The following CAPN12 variants were observed in gnomAD, a reference collection of about 807,000 sequenced individuals.
CAPN12 encodes the protein calpain-12.
In CAPN12, 107 loss-of-function variants were observed where a neutral mutation model predicts 95.0. The observed-to-expected ratio is 1.13, with a 90% confidence interval of 0.96 to 1.32. The LOEUF is 1.32. Among genes scored for constraint, CAPN12 ranks in the 40% most tolerant of loss-of-function variants. CAPN12 has a pLI of 0.00. For missense variants in CAPN12, 1,136 were observed against 997.8 expected, an observed-to-expected ratio of 1.14 and a Z score of -1.87; for synonymous variants, 505 against 415.5, an observed-to-expected ratio of 1.22 and a Z score of -2.62.
chr19:38,744,271 G>C lies in CAPN12; in HGVS notation c.-106C>G, dbSNP rs1420886727. 1.9e-6 allele frequency: 2 copies of C among 1,038,974 alleles called. No homozygotes were observed. The highest frequency in any genetic ancestry group is 4.8e-5 in the East Asian group (2 of 42,056). 64.4% of individuals were successfully genotyped at this position (1,038,974 alleles called of 1,614,324 possible). On this transcript the variant is annotated 5_prime_UTR_variant, in exon 1 of 21. Transcript: ENST00000328867. ...CCCAGTGGGGTCTTTAGGCAATGAG[G>C]AGCCTTCCCTCGTTAATATTAATTG...
In CAPN12 at chr19:38,740,175, T is replaced by A; in HGVS notation, c.605A>T (p.Glu202Val). Residue 202 changes from glutamate (E) to valine (V), a missense_variant, in exon 5 of 21, where the codon GAG becomes GTG. Coordinates refer to ENST00000328867, the MANE Select transcript of CAPN12 (RefSeq NM_144691.4). ...GCCGCCTGTGAAATCCACAAAAGCCTCATTCATGTGGCCGCCCCGCATCAC... is the reference window on the plus strand; with the variant it reads ...GCCGCCTGTGAAATCCACAAAAGCCACATTCATGTGGCCGCCCCGCATCAC... ...YEVMRGGHMNEAFVDFTGGVG... is the reference protein window; with the variant it reads ...YEVMRGGHMNVAFVDFTGGVG... 2.5e-6 allele frequency: 4 copies of A among 1,612,752 alleles called. No individual in the cohort carries two copies. The highest frequency in any genetic ancestry group is 3.4e-6 in the Non-Finnish European group (4 of 1,179,456).
At chr19:38,733,837 T>C (rs773665808) in intron 17 of CAPN12, 56 bp from the exon 18 acceptor site, 21 of 1,450,074 alleles carry the variant, frequency 1.4e-5, no homozygotes, top group Non-Finnish European at 1.9e-5. Context: ...GGGCTGCCAA[T>C]GGGGCCTCCC....
At position 38,738,403 on chromosome 19, in the gene CAPN12, C is replaced by T; in HGVS notation, c.890+15G>A. On this transcript the variant is annotated intron_variant, in intron 7 of 20. Transcript: ENST00000328867. ...GGTGGGGTCCAGCCCCACACCCACCCCAGACCCATCCCACCTGTCGCTCCA... is the reference window on the plus strand; with the variant it reads ...GGTGGGGTCCAGCCCCACACCCACCTCAGACCCATCCCACCTGTCGCTCCA... 1 of 1,610,882 alleles carries T rather than the reference C, an allele frequency of 6.2e-7. No individual in the cohort carries two copies. The highest frequency in any genetic ancestry group is 1.3e-5 in the African/African-American group (1 of 74,982).
chr19:38,730,688 G>T lies in CAPN12; in HGVS notation c.*164C>A. ...CGCTGTTCTTGTTTCTGAGTGAGGA[G>T]TACGCAGGCCAGAGTGGTCACCCGG... On this transcript the variant is annotated 3_prime_UTR_variant, in exon 21 of 21. Transcript: ENST00000328867. The T allele has an allele frequency of 1.3e-6, 1 of 752,554 alleles. No homozygotes were observed. Among genetic ancestry groups the T allele is most frequent in the Non-Finnish European group, 2.2e-6 (1 of 457,056 alleles). The allele number at this position is 752,554 out of a possible 1,614,324, so 46.6% of individuals were successfully genotyped here.
intron 5 of CAPN12, chr19:38,739,814 C>G (rs547575336): frequency 4.8e-6 from 2 of 418,240 alleles, no homozygotes; most frequent in African/African-American, 2.0e-5. Context: ...GAGAGTGACA[C>G]TAACACAGAA....
At position 38,730,742 on chromosome 19, in the gene CAPN12, C is replaced by A; in HGVS notation, c.*110G>T. 7.2e-7 allele frequency: 1 copy of A among 1,380,630 alleles called. No individual in the cohort carries two copies. The allele number at this position is 1,380,630 out of a possible 1,614,324, so 85.5% of individuals were successfully genotyped here. On this transcript the variant is annotated 3_prime_UTR_variant, in exon 21 of 21. Coordinates refer to ENST00000328867, the MANE Select transcript of CAPN12 (RefSeq NM_144691.4). The stretch of plus-strand genomic sequence containing the variant: ...TGAGCAGTGAGGGCCAGAGACTAGC[C>A]CCAGACAGGTGGATGCCAGAGAGAG...
Position 38,736,232 on chromosome 19 carries a change from G to C in CAPN12, c.1461C>G (p.Arg487=), listed in dbSNP as rs1362535873. Residue 487 remains arginine (R), a synonymous_variant, in exon 12 of 21, where the codon CGC becomes CGG. Coordinates refer to ENST00000328867, the MANE Select transcript of CAPN12 (RefSeq NM_144691.4). ...GCAGGCAGCAGCGGCGGGTCACGTC[G>C]CGGCGGGCGCTGAGGGGCGAGCGGT... ...RADRSPLSAR[R]DVTRRCCLRP... 2 of 1,495,024 alleles carry C rather than the reference G, an allele frequency of 1.3e-6. No homozygotes were observed. Among genetic ancestry groups the C allele is most frequent in the Admixed American group, 2.2e-5 (1 of 45,630 alleles). 92.6% of individuals were successfully genotyped at this position (1,495,024 alleles called of 1,614,324 possible).
chr19:38,741,952 C>T, intron 3 of CAPN12, 42 bp from the exon 4 acceptor site: 9 of 1,603,466 alleles, frequency 5.6e-6, no homozygotes, highest in Non-Finnish European at 7.6e-6. Context: ...CTTCCAACCT[C>T]CAACCCTGCC....
intron 17 of CAPN12, 73 bp downstream of exon 17, chr19:38,734,068 GC>G: frequency 6.5e-7 from 1 of 1,534,964 alleles, no homozygotes; most frequent in Non-Finnish European, 8.9e-7. Context: ...GGACCTGATA[GC>G]CCACAGGGTG....
At chr19:38,735,976 GC>G in intron 12 of CAPN12, 133 bp downstream of exon 12, 1 of 268,128 alleles carries the variant, frequency 3.7e-6, no homozygotes, top group Non-Finnish European at 5.8e-6. Flanking sequence ...GCGGGGCGGG[GC>G]GGGGCAGGGG....
In CAPN12 at chr19:38,733,697, C is replaced by A. The variant is rs754429987; in HGVS notation, c.1957+6G>T. ...CCCCACGACCACCCCAGGACCCTGT[C>A]CACACCTGCTGCATTCAGTGCCAGC... On this transcript the variant is annotated splice_donor_region_variant and intron_variant, in intron 18 of 20. Transcript: ENST00000328867. The A allele has an allele frequency of 5.6e-6, 9 of 1,612,582 alleles. No homozygotes were observed. The highest frequency in any genetic ancestry group is 1.1e-5 in the South Asian group (1 of 90,790).
chr19:38,737,689 C>T, intron 8 of CAPN12, 51 bp from the exon 9 acceptor site: 1 of 1,477,870 alleles, frequency 6.8e-7, no homozygotes, highest in Non-Finnish European at 9.0e-7. Flanking sequence ...GAGGGGGTCC[C>T]AAGATCCCGG....
chr19:38,737,422 C>T (rs770984290), intron 9 of CAPN12, 34 bp from the exon 10 acceptor site: 12 of 1,609,616 alleles, frequency 7.5e-6, no homozygotes, highest in South Asian at 3.3e-5. Context: ...GTTTCCTAGC[C>T]GGCCACAGCG....
intron 18 of CAPN12, 189 bp from the exon 19 acceptor site, chr19:38,731,412 G>A (rs750718225): frequency 3.8e-4 from 236 of 617,154 alleles, no homozygotes; most frequent in South Asian, 2.3e-3. Context: ...TCCATCAAAC[G>A]GACTAAGACA....
intron 16 of CAPN12, 29 bp downstream of exon 16, chr19:38,734,290 C>A: frequency 6.2e-7 from 1 of 1,602,904 alleles, no homozygotes; most frequent in Non-Finnish European, 8.5e-7. Context: ...CCCACTCCCT[C>A]CCTCACCCAG....
intron 10 of CAPN12, chr19:38,736,907 G>GCC: frequency 4.2e-6 from 1 of 240,944 alleles, no homozygotes; most frequent in Admixed American, 9.3e-5. Flanking sequence ...TGGCCCCCCA[G>GCC]CCCTACTAGC....
intron 3 of CAPN12, chr19:38,742,127 C>A (rs189034036): frequency 4.7e-6 from 3 of 640,838 alleles, no homozygotes; most frequent in South Asian, 2.0e-5. Context: ...AATTCGAGAC[C>A]AGCCTGGCTA....
In CAPN12 at chr19:38,736,550, A is replaced by T; in HGVS notation, c.1374+2T>A. On this transcript the variant is annotated splice_donor_variant, in intron 11 of 20. Coordinates refer to ENST00000328867, the MANE Select transcript of CAPN12 (RefSeq NM_144691.4). LOFTEE classifies it high-confidence loss of function. Reference sequence around the variant, plus strand: ...GGCCGGTTGACCCCATCCCAGACTCACCTCCTCTGGAATCTGAAAGAAGCA... The same window carrying T: ...GGCCGGTTGACCCCATCCCAGACTCTCCTCCTCTGGAATCTGAAAGAAGCA... 1 of 1,584,202 alleles carries T rather than the reference A, an allele frequency of 6.3e-7. No individual in the cohort carries two copies. The highest frequency in any genetic ancestry group is 8.6e-7 in the Non-Finnish European group (1 of 1,165,400).
intron 18 of CAPN12, 113 bp from the exon 19 acceptor site, chr19:38,731,336 A>G (rs1043021565): frequency 2.6e-6 from 2 of 773,162 alleles, no homozygotes; most frequent in African/African-American, 1.7e-5. Context: ...TCACACCCCA[A>G]CTCTGCCCCA....
Sources: allele counts gnomAD v4.1 joint callset, GRCh38; gene constraint gnomAD v4.1.1; transcripts MANE v1.5; gene names NCBI Gene and HGNC (gene_info 2026-07-23, HGNC 2026-07-21).